CCDC73: variants seen among roughly 807,000 people sequenced by gnomAD.
CCDC73 encodes the protein coiled-coil domain-containing protein 73.
A neutral mutation model predicts 116.5 loss-of-function variants in CCDC73; 95 were observed. That is an observed-to-expected ratio of 0.82 (90% CI 0.69 to 0.97). The LOEUF (loss-of-function observed/expected upper bound fraction) is 0.97. CCDC73 is among the 50% of genes least tolerant of loss of function. CCDC73 has a pLI of 0.00. For missense variants in CCDC73, 1,066 were observed against 1,206.8 expected (o/e 0.88, Z 1.73); for synonymous variants, 398 against 401.3 (o/e 0.99, Z 0.10).
chr11:32,752,763 T>A (rs1325097874), intron 2 of CCDC73, among the ~76,000 whole-genome samples: 1 of 152,248 alleles, frequency 6.6e-6, no homozygotes, highest in Non-Finnish European at 1.5e-5. Context: ...AAATAAGATA[T>A]TGATTTTTTT....
chr11:32,790,309 A>G (rs1319013650), intron 1 of CCDC73, among the ~76,000 whole-genome samples: 1 of 152,080 alleles, frequency 6.6e-6, no homozygotes, highest in Admixed American at 6.6e-5. Context: ...ATTCACACCA[A>G]TTTCTCCTTT....
chr11:32,627,271 T>C (rs887331705), intron 14 of CCDC73, among the ~76,000 whole-genome samples: 1 of 152,196 alleles, frequency 6.6e-6, no homozygotes, highest in African/African-American at 2.4e-5. Flanking sequence ...CACAATGAGA[T>C]ACCATCTCAC....
chr11:32,783,874 G>A lies in CCDC73; in HGVS notation c.-16+10739C>T, dbSNP rs1376883026. Among the ~76,000 whole-genome samples the A allele has an allele frequency of 2.8e-4, 43 of 152,186 alleles. 1 individual carries two copies. The highest frequency in any genetic ancestry group is 2.4e-3 in the Admixed American group (37 of 15,282). ...GAGGACAGCAAGAGGACACCTGTAC[G>A]AAGACAGAGAGCAACCAGTCCAGAT... is the stretch of plus-strand genomic sequence containing the variant. On this transcript the variant is annotated intron_variant, in intron 1 of 17. Coordinates refer to ENST00000335185, the MANE Select transcript of CCDC73 (RefSeq NM_001008391.4).
intron 1 of CCDC73, among the ~76,000 whole-genome samples, chr11:32,784,187 G>C (rs1461456704): frequency 6.6e-6 from 1 of 152,014 alleles, no homozygotes; most frequent in Non-Finnish European, 1.5e-5. Flanking sequence ...AAAATTAGCC[G>C]GGCGTCGTGG....
chr11:32,605,140 C>T (rs1479960968), intron 17 of CCDC73: 3 of 151,808 alleles, frequency 2.0e-5, no homozygotes, highest in Admixed American at 2.0e-4. Context: ...GCATGAGCCA[C>T]CCTGCCCGAC....
intron 1 of CCDC73, among the ~76,000 whole-genome samples, chr11:32,776,932 AAAAAAT>A (rs1267498681): frequency 0.032 from 891 of 27,988 alleles, 15 homozygotes; most frequent in African/African-American, 0.083. Context: ...GGTTAAAAAA[AAAAAAT>A]ATATATATAT....
intron 9 of CCDC73, among the ~76,000 whole-genome samples, chr11:32,670,378 C>T (rs1262502507): frequency 6.6e-6 from 1 of 152,008 alleles, no homozygotes; most frequent in Non-Finnish European, 1.5e-5. Flanking sequence ...AAAAATTAGC[C>T]CGGCGTGGTG....
chr11:32,644,222 A>G (rs1855757081), intron 12 of CCDC73, among the ~76,000 whole-genome samples: 1 of 152,196 alleles, frequency 6.6e-6, no homozygotes, highest in African/African-American at 2.4e-5. Flanking sequence ...TCCTAAGAAA[A>G]CTAACACAGG....
In CCDC73 at chr11:32,675,653, T is replaced by A; in HGVS notation, c.566-9A>T. On this transcript the variant is annotated splice_polypyrimidine_tract_variant and intron_variant, in intron 8 of 17. Coordinates refer to ENST00000335185, the MANE Select transcript of CCDC73 (RefSeq NM_001008391.4). ...TTGTATTGCTTCCCGTACTGCAACA[T>A]GAAAGACATTTAAGAAAGCATTATA... 1 of 1,572,172 alleles carries A rather than the reference T, an allele frequency of 6.4e-7. No homozygotes were observed.
the CCDC73 span, among the ~76,000 whole-genome samples, chr11:32,800,271 ATTAT>A: frequency 7.2e-5 from 11 of 151,968 alleles, no homozygotes; most frequent in South Asian, 2.1e-4. Context: ...ATGTGAACTT[ATTAT>A]TTATTTATTT....
chr11:32,694,636 A>G (rs1046837295), intron 6 of CCDC73, among the ~76,000 whole-genome samples: 9 of 152,224 alleles, frequency 5.9e-5, no homozygotes, highest in Non-Finnish European at 4.4e-5. Flanking sequence ...TTGTCCAGAT[A>G]ATTAAATACG....
At chr11:32,607,153 CG>C (rs974355490) in intron 17 of CCDC73, among the ~76,000 whole-genome samples, 1 of 120,146 alleles carries the variant, frequency 8.3e-6, no homozygotes, top group Non-Finnish European at 1.6e-5. Context: ...AGTGCAGTGG[CG>C]GGATCTCGGC....
the CCDC73 span, among the ~76,000 whole-genome samples, chr11:32,823,575 T>C: frequency 1.3e-5 from 2 of 151,324 alleles, no homozygotes. Flanking sequence ...GTAGATATAC[T>C]ACAAGAAAGA....
chr11:32,698,126 G>A (rs1176136554), intron 6 of CCDC73, among the ~76,000 whole-genome samples: 3 of 146,638 alleles, frequency 2.0e-5, no homozygotes, highest in South Asian at 2.2e-4. Context: ...CCGGGTTCAC[G>A]CCATTCTCCT....
At chr11:32,662,049 G>A (rs550292704) in intron 9 of CCDC73, among the ~76,000 whole-genome samples, 23 of 152,304 alleles carry the variant, frequency 1.5e-4, no homozygotes, top group African/African-American at 5.3e-4. Flanking sequence ...ATTCCATGGT[G>A]TATATGTGCC....
At chr11:32,796,323 T>G (rs1308883222), upstream of CCDC73, among the ~76,000 whole-genome samples, 1 of 152,258 alleles carries the variant, frequency 6.6e-6, no homozygotes, top group Admixed American at 6.5e-5. Context: ...AATGAATAAA[T>G]GGACTATGAC....
upstream of CCDC73, among the ~76,000 whole-genome samples, chr11:32,797,618 G>A (rs1014571994): frequency 6.6e-6 from 1 of 152,116 alleles, no homozygotes; most frequent in Admixed American, 6.5e-5. Flanking sequence ...ATAGGCCCTT[G>A]CAATTGTCTG....
At chr11:32,629,940 A>C (rs926510918) in intron 14 of CCDC73, among the ~76,000 whole-genome samples, 5 of 151,346 alleles carry the variant, frequency 3.3e-5, no homozygotes, top group Non-Finnish European at 7.4e-5. Flanking sequence ...AAAAACAAAA[A>C]AAAAACGTTA....
chr11:32,670,441 GA>G (rs1404291661), intron 9 of CCDC73, among the ~76,000 whole-genome samples: 2 of 151,660 alleles, frequency 1.3e-5, no homozygotes, highest in Non-Finnish European at 2.9e-5. Context: ...AGAATGGCGT[GA>G]ACCTGGGGGG....
Sources: gnomAD v4.1 joint callset for allele counts (sites outside exome capture counted in the v4.1 genomes callset) on GRCh38, gnomAD v4.1.1 for gene constraint, MANE v1.5 for transcripts, NCBI Gene and HGNC (gene_info 2026-07-23, HGNC 2026-07-21) for gene names.